Variants in BMP6 observed in about 807,000 individuals in gnomAD.
The protein encoded by BMP6 is bone morphogenetic protein 6.
BMP6 carries 17 observed loss-of-function variants against 54.1 expected under a neutral mutation model. The observed-to-expected ratio is 0.31, with a 90% CI of 0.22 to 0.47. BMP6 has a LOEUF of 0.47. BMP6 is among the 20% of genes least tolerant of loss of function. The pLI is 1.00. For missense variants in BMP6, 720 were observed against 690.4 expected (o/e 1.04, Z -0.48); for synonymous variants, 328 against 291.2 (o/e 1.13, Z -1.28).
chr6:7,752,218 A>G (rs1010745963), intron 1 of BMP6, among the ~76,000 whole-genome samples: 1 of 152,246 alleles, frequency 6.6e-6, no homozygotes, highest in East Asian at 1.9e-4. Context: ...TGTGGAAGCA[A>G]TACTTCAACA....
rs1480972230 is a variant in BMP6 at position 7,832,153 on chromosome 6, G to T, written c.665-12987G>T. On this transcript the variant is annotated intron_variant, in intron 1 of 6. Coordinates refer to ENST00000283147, the MANE Select transcript of BMP6 (RefSeq NM_001718.6). ...GGTACTAAAACTACCTGGGGGTGAG[G>T]TTTGGTGGAAGAAGGCAACTAAGGA... Among the ~76,000 whole-genome samples, 7 of 152,162 alleles carry T rather than the reference G, an allele frequency of 4.6e-5. No homozygotes were observed. In the South Asian group the frequency reaches 1.2e-3, roughly 27 times the overall value.
intron 1 of BMP6, among the ~76,000 whole-genome samples, chr6:7,734,614 AATGT>A (rs1242593258): frequency 2.0e-5 from 3 of 152,220 alleles, no homozygotes; most frequent in African/African-American, 7.2e-5. Context: ...TATATCTATA[AATGT>A]CCAAAGGACT....
At chr6:7,797,469 G>A (rs1398786086) in intron 1 of BMP6, among the ~76,000 whole-genome samples, 1 of 152,184 alleles carries the variant, frequency 6.6e-6, no homozygotes, top group Non-Finnish European at 1.5e-5. Context: ...GTTAAGGTTA[G>A]CAATCAACCT....
At chr6:7,806,599 A>C (rs1465346656) in intron 1 of BMP6, among the ~76,000 whole-genome samples, 1 of 152,190 alleles carries the variant, frequency 6.6e-6, no homozygotes, top group Non-Finnish European at 1.5e-5. Context: ...AAAAACAAAA[A>C]CAAAAACAAA....
At chr6:7,743,431 G>T (rs1757300497) in intron 1 of BMP6, among the ~76,000 whole-genome samples, 1 of 152,076 alleles carries the variant, frequency 6.6e-6, no homozygotes, top group South Asian at 2.1e-4. Flanking sequence ...AATCTAACTG[G>T]GGCACTGCTA....
At chr6:7,780,244 ATTC>A (rs1359663927) in intron 1 of BMP6, among the ~76,000 whole-genome samples, 1 of 152,110 alleles carries the variant, frequency 6.6e-6, no homozygotes, top group African/African-American at 2.4e-5. Context: ...GGCACCTCTA[ATTC>A]TTTTTAAAAA....
In BMP6 at chr6:7,727,031, C is replaced by A. The variant is rs904968871; in HGVS notation, c.76C>A (p.Pro26Thr). The change falls in exon 1 of 7, where the codon CCG becomes ACG. Residue 26 changes from proline to threonine, a missense_variant. This residue lies in a region of BMP6 where 650 missense variants were observed against 556.3 expected (regional missense o/e 1.17). Coordinates refer to ENST00000283147, the MANE Select transcript of BMP6 (RefSeq NM_001718.6). Reference protein sequence around the residue: ...GLLCSCCGPPPLRPPLPAAAA... With the variant: ...GLLCSCCGPPTLRPPLPAAAA... ...GCTGTGCAGCTGCTGCGGGCCCCCG[C>A]CGCTGCGGCCGCCCTTGCCCGCTGC... The A allele has an allele frequency of 2.7e-6, 3 of 1,119,470 alleles. No homozygotes were observed. Among genetic ancestry groups the A allele is most frequent in the Non-Finnish European group, 3.3e-6 (3 of 918,190 alleles). The allele number at this position is 1,119,470 out of a possible 1,614,324, so 69.3% of individuals were successfully genotyped here.
At chr6:7,792,658 T>C (rs1278337374) in intron 1 of BMP6, among the ~76,000 whole-genome samples, 1 of 152,266 alleles carries the variant, frequency 6.6e-6, no homozygotes, top group Non-Finnish European at 1.5e-5. Context: ...TTCTGTTTTT[T>C]CATGGATGGT....
At chr6:7,839,068 A>G (rs1223097233) in intron 1 of BMP6, among the ~76,000 whole-genome samples, 1 of 152,234 alleles carries the variant, frequency 6.6e-6, no homozygotes, top group East Asian at 1.9e-4. Context: ...AAGAGGTAGA[A>G]TAATCAAGTG....
intron 4 of BMP6, among the ~76,000 whole-genome samples, chr6:7,864,856 G>T (rs1046934882): frequency 6.6e-6 from 1 of 152,180 alleles, no homozygotes; most frequent in Non-Finnish European, 1.5e-5. Flanking sequence ...GAGGCAGCCT[G>T]CTGAACAGAG....
intron 1 of BMP6, among the ~76,000 whole-genome samples, chr6:7,777,176 G>C (rs1212224246): frequency 6.6e-6 from 1 of 152,184 alleles, no homozygotes; most frequent in African/African-American, 2.4e-5. Context: ...GGAACTGGCA[G>C]GTGCCTTCTG....
intron 1 of BMP6, among the ~76,000 whole-genome samples, chr6:7,740,626 T>C (rs536436547): frequency 6.6e-6 from 1 of 152,206 alleles, no homozygotes; most frequent in East Asian, 1.9e-4. Context: ...ACAAGCAGCT[T>C]CTTGGACCCC....
At chr6:7,806,735 A>G (rs1317729512) in intron 1 of BMP6, among the ~76,000 whole-genome samples, 2 of 152,134 alleles carry the variant, frequency 1.3e-5, no homozygotes, top group African/African-American at 4.8e-5. Context: ...TATTTTATAC[A>G]TCCTAATGAA....
At chr6:7,806,102 G>C (rs979881038) in intron 1 of BMP6, among the ~76,000 whole-genome samples, 5 of 152,226 alleles carry the variant, frequency 3.3e-5, no homozygotes, top group Non-Finnish European at 5.9e-5. Flanking sequence ...TTTCTACAAA[G>C]CCTGCTCAAC....
At chr6:7,731,696 T>C (rs1240933346) in intron 1 of BMP6, among the ~76,000 whole-genome samples, 2 of 152,338 alleles carry the variant, frequency 1.3e-5, no homozygotes, top group East Asian at 3.9e-4. Flanking sequence ...CTGATTTTTA[T>C]TGAGTAAAAT....
chr6:7,875,488 G>T (rs1247473421), intron 4 of BMP6, among the ~76,000 whole-genome samples: 1 of 152,044 alleles, frequency 6.6e-6, no homozygotes, highest in African/African-American at 2.4e-5. Flanking sequence ...GACCAGCCTC[G>T]GCAACATAGC....
At chr6:7,854,677 T>A (rs954573610) in intron 2 of BMP6, among the ~76,000 whole-genome samples, 9 of 152,174 alleles carry the variant, frequency 5.9e-5, no homozygotes, top group African/African-American at 2.2e-4. Context: ...GCACCTGTAA[T>A]CTCAGCTACT....
rs1175981379 is a variant in BMP6, at chr6:7,726,780, A to C, written c.-176A>C. On this transcript the variant is annotated 5_prime_UTR_variant, in exon 1 of 7. Coordinates refer to ENST00000283147, the MANE Select transcript of BMP6 (RefSeq NM_001718.6). Reference sequence around the variant, plus strand: ...CTTCGCCACCTCTCTAGCCTGGGCAACTGGGGGCGCCCCGGACGACCATGA... The same window carrying C: ...CTTCGCCACCTCTCTAGCCTGGGCACCTGGGGGCGCCCCGGACGACCATGA... The C allele has an allele frequency of 5.6e-5, 13 of 233,236 alleles. No individual in the cohort carries two copies. The highest frequency in any genetic ancestry group is 1.3e-4 in the East Asian group (1 of 7,744). The allele number at this position is 233,236 out of a possible 1,614,324, so 14.4% of individuals were successfully genotyped here. A position where few individuals can be genotyped will look rare whatever the true frequency, so the allele number is the denominator to read the frequency against.
chr6:7,808,578 C>T (rs1327969609), intron 1 of BMP6, among the ~76,000 whole-genome samples: 1 of 152,176 alleles, frequency 6.6e-6, no homozygotes. Context: ...TTTCCTTCTT[C>T]ATTTCCAACT....
Sources: allele counts gnomAD v4.1 joint callset (sites outside exome capture counted in the v4.1 genomes callset), GRCh38; gene constraint gnomAD v4.1.1; regional missense constraint gnomAD v4.1.1; transcripts MANE v1.5; gene names NCBI Gene and HGNC (gene_info 2026-07-23, HGNC 2026-07-21).